NRXN3: variants seen among roughly 807,000 people sequenced by gnomAD.
The protein encoded by NRXN3 is neurexin 3.
Under a neutral mutation model 137.6 loss-of-function variants are expected in NRXN3, and 32 were observed. The ratio of observed to expected loss-of-function variants is 0.23; its 90% CI spans 0.18 to 0.31. NRXN3 has a LOEUF of 0.31. Ranked by LOEUF, NRXN3 falls within the 10% of genes least tolerant of loss-of-function variation. The pLI is 1.00. For synonymous variants in NRXN3, 798 were observed against 784.5 expected (o/e 1.02, Z -0.29); for missense variants, 1,574 against 2,062.5 (o/e 0.76, Z 4.59).
chr14:79,185,123 A>G (rs1223670606), intron 15 of NRXN3, among the ~76,000 whole-genome samples: 5 of 152,168 alleles, frequency 3.3e-5, no homozygotes, highest in Non-Finnish European at 7.4e-5. Flanking sequence ...GCTATTTTTT[A>G]TTTCTAATAA....
intron 15 of NRXN3, among the ~76,000 whole-genome samples, chr14:79,367,427 G>T (rs1444928489): frequency 1.3e-5 from 2 of 152,078 alleles, no homozygotes; most frequent in Non-Finnish European, 2.9e-5. Context: ...TTAAAGTTTT[G>T]TCTGTTCATT....
At chr14:78,267,490 A>G (rs1240646955) in intron 2 of NRXN3, among the ~76,000 whole-genome samples, 2 of 152,092 alleles carry the variant, frequency 1.3e-5, no homozygotes, top group African/African-American at 4.8e-5. Flanking sequence ...CCAGGAATTT[A>G]AGAACAGCCT....
At chr14:78,314,889 CTTTCTCTTTCTTTCTTTCTT>C (rs1567234270) in intron 4 of NRXN3, among the ~76,000 whole-genome samples, 1 of 80,226 alleles carries the variant, frequency 1.2e-5, no homozygotes, top group African/African-American at 5.7e-5. Flanking sequence ...TTCTTTCTTT[CTTTCTCTTTCTTTCTTTCTT>C]TCTTTCTTTC....
chr14:79,330,048 T>G (rs981717541), intron 15 of NRXN3, among the ~76,000 whole-genome samples: 11 of 152,062 alleles, frequency 7.2e-5, no homozygotes, highest in African/African-American at 2.7e-4. Context: ...GCCAGGATGA[T>G]CTTGATCTCT....
intron 10 of NRXN3, among the ~76,000 whole-genome samples, chr14:78,816,348 C>T (rs2098933073): frequency 6.6e-6 from 1 of 152,102 alleles, no homozygotes; most frequent in Admixed American, 6.6e-5. Context: ...TATGAGTATA[C>T]AACATATAAT....
intron 6 of NRXN3, among the ~76,000 whole-genome samples, chr14:78,653,847 G>T (rs1456850453): frequency 1.3e-5 from 2 of 151,972 alleles, no homozygotes; most frequent in Non-Finnish European, 2.9e-5. Flanking sequence ...GTCAATAATA[G>T]AAATAACTAT....
chr14:79,496,027 T>A (rs1468522962), intron 16 of NRXN3, among the ~76,000 whole-genome samples: 1 of 151,558 alleles, frequency 6.6e-6, no homozygotes, highest in Non-Finnish European at 1.5e-5. Context: ...CATTGAGCAA[T>A]GTTGGGGTTT....
chr14:78,689,196 T>G (rs2098148574), intron 6 of NRXN3, among the ~76,000 whole-genome samples: 1 of 152,124 alleles, frequency 6.6e-6, no homozygotes, highest in Non-Finnish European at 1.5e-5. Flanking sequence ...AAAAGTATAG[T>G]TAGTGCCATA....
chr14:79,279,879 CCTT>C (rs1222917600), intron 15 of NRXN3: 1 of 1,016,752 alleles, frequency 9.8e-7, no homozygotes, highest in Non-Finnish European at 1.2e-6. Context: ...CGGGCTGCCT[CCTT>C]CTCTTCCTTC....
intron 4 of NRXN3, among the ~76,000 whole-genome samples, chr14:78,308,646 C>T (rs1256950889): frequency 6.6e-6 from 1 of 151,976 alleles, no homozygotes; most frequent in East Asian, 1.9e-4. Flanking sequence ...GACTATGCCT[C>T]GCAAATGCCT....
At chr14:78,443,329 T>C (rs1365840408) in intron 4 of NRXN3, among the ~76,000 whole-genome samples, 1 of 152,160 alleles carries the variant, frequency 6.6e-6, no homozygotes, top group African/African-American at 2.4e-5. Flanking sequence ...GGGTAGGCAC[T>C]GGGGAACCTC....
At chr14:79,429,985 A>G (rs1175868178) in intron 15 of NRXN3, among the ~76,000 whole-genome samples, 6 of 151,930 alleles carry the variant, frequency 3.9e-5, no homozygotes, top group African/African-American at 1.5e-4. Flanking sequence ...AAAAAAAAAA[A>G]GAATACTTCA....
intron 2 of NRXN3, among the ~76,000 whole-genome samples, chr14:78,252,775 T>C (rs1330118213): frequency 6.6e-6 from 1 of 152,334 alleles, no homozygotes; most frequent in African/African-American, 2.4e-5. Context: ...TCTTGGAGAA[T>C]AGAAAAAGTA....
intron 15 of NRXN3, among the ~76,000 whole-genome samples, chr14:79,170,010 A>C (rs2061630304): frequency 2.0e-5 from 3 of 152,160 alleles, no homozygotes; most frequent in Admixed American, 2.0e-4. Context: ...CTTATCTCTT[A>C]TGCAAAATTG....
At chr14:79,814,362 TG>T (rs999728534) in intron 20 of NRXN3, among the ~76,000 whole-genome samples, 1 of 152,232 alleles carries the variant, frequency 6.6e-6, no homozygotes, top group Non-Finnish European at 1.5e-5. Context: ...TGAAATCCTC[TG>T]CCTTTATTTC....
At chr14:79,122,753 A>G (rs1289982099) in intron 15 of NRXN3, among the ~76,000 whole-genome samples, 1 of 152,158 alleles carries the variant, frequency 6.6e-6, no homozygotes, top group African/African-American at 2.4e-5. Context: ...ACAAATCTTT[A>G]CCAAGTGCCT....
At chr14:78,736,239 C>T (rs1031514397) in intron 8 of NRXN3, among the ~76,000 whole-genome samples, 2 of 152,280 alleles carry the variant, frequency 1.3e-5, no homozygotes, top group East Asian at 1.9e-4. Context: ...TTTCGCTTAG[C>T]GTGGCCATCC....
chr14:78,586,656 G>A (rs967989312), intron 4 of NRXN3, among the ~76,000 whole-genome samples: 3 of 152,288 alleles, frequency 2.0e-5, no homozygotes, highest in African/African-American at 4.8e-5. Flanking sequence ...TATGATCTAT[G>A]CTCAGGGACC....
rs897122364 is a variant in NRXN3 at position 78,720,812 on chromosome 14, A to C, written c.2044+5673A>C. Among the ~76,000 whole-genome samples, 4 of 152,234 alleles carry C rather than the reference A, an allele frequency of 2.6e-5. No homozygotes were observed. The South Asian group carries it at 8.3e-4, about 32-fold the overall frequency. On this transcript the variant is annotated intron_variant, in intron 8 of 20. Transcript: ENST00000335750. Reference sequence around the variant, plus strand: ...ATATTCTCAACACAGTCTATCTTAAATAGCTTTAGTTTCAGTGGCTTTTGG... The same window carrying C: ...ATATTCTCAACACAGTCTATCTTAACTAGCTTTAGTTTCAGTGGCTTTTGG...
Sources: gnomAD v4.1 joint callset for allele counts (sites outside exome capture counted in the v4.1 genomes callset) on GRCh38, gnomAD v4.1.1 for gene constraint, MANE v1.5 for transcripts, NCBI Gene and HGNC (gene_info 2026-07-23, HGNC 2026-07-21) for gene names.